Variants in CNTN6 observed in about 807,000 individuals in gnomAD.
CNTN6 encodes contactin-6.
Under a neutral mutation model 122.8 loss-of-function variants are expected in CNTN6, and 137 were observed. The observed-to-expected ratio is 1.12, with a 90% CI of 0.97 to 1.29. CNTN6 has a LOEUF of 1.29. CNTN6 is among the 50% of genes most tolerant of loss of function. CNTN6 has a pLI of 0.00. For missense variants in CNTN6, 1,634 were observed against 1,223.4 expected, an observed-to-expected ratio of 1.34 and a Z score of -5.01; for synonymous variants, 570 against 426.0, an observed-to-expected ratio of 1.34 and a Z score of -4.16.
chr3:1,187,878 G>T (rs1324664220), intron 2 of CNTN6, among the ~76,000 whole-genome samples: 1 of 152,024 alleles, frequency 6.6e-6, no homozygotes, highest in African/African-American at 2.4e-5. Context: ...TGGTTGGTTG[G>T]GCACCGTATG....
intron 2 of CNTN6, among the ~76,000 whole-genome samples, chr3:1,203,019 C>G (rs1039524985): frequency 3.3e-5 from 5 of 152,172 alleles, no homozygotes; most frequent in African/African-American, 1.2e-4. Context: ...CATCCACTCT[C>G]AACATGATAA....
intron 4 of CNTN6, among the ~76,000 whole-genome samples, chr3:1,245,245 C>T (rs78457738): frequency 0.69 from 9,641 of 13,922 alleles, 3,692 homozygotes; most frequent in East Asian, 0.75. Context: ...TACACACACA[C>T]ATATATATAT....
intron 1 of CNTN6, among the ~76,000 whole-genome samples, chr3:1,102,375 G>C (rs560650974): frequency 3.9e-5 from 6 of 152,292 alleles, no homozygotes; most frequent in Non-Finnish European, 8.8e-5. Flanking sequence ...CACAGTAAAT[G>C]AAAGAGAAAC....
In CNTN6 at chr3:1,236,994, T is replaced by C. The variant is rs1355362357; in HGVS notation, c.358+9001T>C. 2.0e-5 allele frequency among the ~76,000 whole-genome samples: 3 copies of C among 151,666 alleles called. No homozygotes were observed. In the East Asian group the frequency reaches 5.9e-4, roughly 30 times the overall value. The stretch of plus-strand genomic sequence containing the variant: ...TACTTGGAAGGCTGAGGTAGGAGAA[T>C]GGCGTGAACCTGGGAGGCAGAGCTT... On this transcript the variant is annotated intron_variant, in intron 4 of 22. Transcript: ENST00000446702.
At chr3:1,392,287 G>T (rs529191865) in intron 20 of CNTN6, among the ~76,000 whole-genome samples, 2 of 129,324 alleles carry the variant, frequency 1.5e-5, no homozygotes, top group African/African-American at 5.8e-5. Context: ...ACAAACCTGA[G>T]AAAAACAAGC....
intron 2 of CNTN6, among the ~76,000 whole-genome samples, chr3:1,209,755 T>C (rs1281627360): frequency 6.6e-6 from 1 of 150,830 alleles, no homozygotes; most frequent in Non-Finnish European, 1.5e-5. Flanking sequence ...CCCAGCACCA[T>C]CAAAATCAGT....
chr3:1,131,261 T>C (rs746266206), intron 1 of CNTN6, among the ~76,000 whole-genome samples: 1 of 152,102 alleles, frequency 6.6e-6, no homozygotes, highest in African/African-American at 2.4e-5. Context: ...TAATTATCCA[T>C]GACTAGTCAC....
intron 11 of CNTN6, among the ~76,000 whole-genome samples, chr3:1,335,587 A>G (rs1702934472): frequency 6.6e-6 from 1 of 152,162 alleles, no homozygotes; most frequent in Non-Finnish European, 1.5e-5. Context: ...CTGGAGAGAC[A>G]GTTCAATGTT....
At chr3:1,234,607 C>T (rs1212439597) in intron 4 of CNTN6, among the ~76,000 whole-genome samples, 5 of 152,106 alleles carry the variant, frequency 3.3e-5, no homozygotes, top group African/African-American at 1.2e-4. Context: ...TGTAAAGTCT[C>T]CGATAATTGC....
chr3:1,403,135 G>C (rs373491976), intron 22 of CNTN6, among the ~76,000 whole-genome samples, 183 bp from the exon 23 acceptor site: 1 of 152,074 alleles, frequency 6.6e-6, no homozygotes, highest in African/African-American at 2.4e-5. Flanking sequence ...ACTTAAATCA[G>C]ATGTCCTTGG....
intron 1 of CNTN6, among the ~76,000 whole-genome samples, chr3:1,138,316 T>G (rs2092531174): frequency 6.6e-6 from 1 of 152,076 alleles, no homozygotes; most frequent in African/African-American, 2.4e-5. Flanking sequence ...ACATTGAATA[T>G]TGGTCCAACT....
At chr3:1,300,144 T>C (rs1340115511) in intron 7 of CNTN6, among the ~76,000 whole-genome samples, 1 of 151,916 alleles carries the variant, frequency 6.6e-6, no homozygotes, top group African/African-American at 2.4e-5. Context: ...GCTAAGCTAA[T>C]TGTAATTTTT....
intron 1 of CNTN6, among the ~76,000 whole-genome samples, chr3:1,099,395 G>C (rs1274971093): frequency 2.6e-5 from 4 of 152,120 alleles, no homozygotes; most frequent in Non-Finnish European, 5.9e-5. Flanking sequence ...AGCTTGCAGT[G>C]AGCCGAGATT....
chr3:1,204,914 C>G (rs2093937759), intron 2 of CNTN6, among the ~76,000 whole-genome samples: 1 of 152,076 alleles, frequency 6.6e-6, no homozygotes, highest in Non-Finnish European at 1.5e-5. Flanking sequence ...ATTCTAATCC[C>G]TGGAACATGT....
At chr3:1,333,325 A>G (rs1702584082) in intron 11 of CNTN6, among the ~76,000 whole-genome samples, 1 of 152,102 alleles carries the variant, frequency 6.6e-6, no homozygotes, top group South Asian at 2.1e-4. Context: ...TTACAGTGCC[A>G]GATCCTAAAC....
intron 7 of CNTN6, among the ~76,000 whole-genome samples, chr3:1,316,677 T>C (rs1437991367): frequency 6.6e-6 from 1 of 151,896 alleles, no homozygotes; most frequent in Non-Finnish European, 1.5e-5. Context: ...GAGCCACATT[T>C]CTCTCTTTAC....
chr3:1,318,068 A>G (rs1184351192), intron 7 of CNTN6, among the ~76,000 whole-genome samples: 1 of 151,628 alleles, frequency 6.6e-6, no homozygotes, highest in African/African-American at 2.4e-5. Flanking sequence ...AACACAATTG[A>G]GAAAGAAGAA....
intron 2 of CNTN6, among the ~76,000 whole-genome samples, chr3:1,211,026 A>G (rs1344456705): frequency 1.3e-5 from 2 of 152,180 alleles, no homozygotes; most frequent in African/African-American, 4.8e-5. Context: ...TCTCCCTTTC[A>G]TCAGCTGCCT....
chr3:1,360,500 T>A (rs1364068084), intron 12 of CNTN6, among the ~76,000 whole-genome samples: 4 of 152,046 alleles, frequency 2.6e-5, no homozygotes. Context: ...TCTAAACTGG[T>A]AGTCTAGTTT....
Sources: gnomAD v4.1 joint callset for allele counts (sites outside exome capture counted in the v4.1 genomes callset) on GRCh38, gnomAD v4.1.1 for gene constraint, MANE v1.5 for transcripts, NCBI Gene and HGNC (gene_info 2026-07-23, HGNC 2026-07-21) for gene names.